PPARGC1B: variants seen among roughly 807,000 people sequenced by gnomAD.
The protein encoded by PPARGC1B is PPARG coactivator 1 beta, also known as peroxisome proliferator-activated receptor gamma coactivator 1-beta.
In PPARGC1B, 34 loss-of-function variants were observed where a neutral mutation model predicts 101.6. That is an observed-to-expected ratio of 0.33 (90% CI 0.25 to 0.45). The LOEUF is 0.45. Among genes scored for constraint, PPARGC1B ranks in the 20% least tolerant of loss-of-function variants. The pLI is 1.00. For synonymous variants in PPARGC1B, 548 were observed against 539.3 expected, an observed-to-expected ratio of 1.02 and a Z score of -0.22; for missense variants, 1,234 against 1,317.6, an observed-to-expected ratio of 0.94 and a Z score of 0.98.
intron 1 of PPARGC1B, among the ~76,000 whole-genome samples, chr5:149,743,446 T>C (rs1754981791): frequency 6.6e-6 from 1 of 152,150 alleles, no homozygotes; most frequent in South Asian, 2.1e-4. Context: ...TGAGCCACCG[T>C]GCCCGGCCCT....
rs116066299 is a variant in PPARGC1B at position 149,743,615 on chromosome 5, C to G, written c.78+13195C>G. Among the ~76,000 whole-genome samples the G allele has an allele frequency of 6.7e-3, 1,026 of 152,274 alleles. 10 individuals carry two copies. The highest frequency in any genetic ancestry group is 0.012 in the Non-Finnish European group (799 of 68,026). On this transcript the variant is annotated intron_variant, in intron 1 of 11. Coordinates refer to ENST00000309241, the MANE Select transcript of PPARGC1B (RefSeq NM_133263.4). ...GAATGATGAACAAATGCTGTTCGAT[C>G]TTTCACAACATTTGCCTGATGTTTG...
chr5:149,809,420 A>ATAGATAGG (rs1399430898), intron 1 of PPARGC1B, among the ~76,000 whole-genome samples: 2 of 147,324 alleles, frequency 1.4e-5, no homozygotes, highest in African/African-American at 5.0e-5. Context: ...AGATAGATAG[A>ATAGATAGG]TAGATAGATC....
At chr5:149,750,686 G>A (rs1755265476) in intron 1 of PPARGC1B, among the ~76,000 whole-genome samples, 1 of 152,132 alleles carries the variant, frequency 6.6e-6, no homozygotes, top group Non-Finnish European at 1.5e-5. Context: ...CTCACATCAA[G>A]TGGAAAAAGA....
intron 1 of PPARGC1B, among the ~76,000 whole-genome samples, chr5:149,768,122 T>C (rs1755986704): frequency 6.6e-6 from 1 of 152,014 alleles, no homozygotes; most frequent in East Asian, 1.9e-4. Flanking sequence ...TTCACAGGGA[T>C]AGGATGTTGG....
downstream of PPARGC1B, among the ~76,000 whole-genome samples, chr5:149,857,527 C>T (rs868529223): frequency 3.3e-5 from 5 of 152,234 alleles, no homozygotes; most frequent in South Asian, 6.2e-4. Context: ...TTAGGACAGG[C>T]CTCTGCTTAA....
chr5:149,739,605 G>A (rs1477795602), intron 1 of PPARGC1B, among the ~76,000 whole-genome samples: 1 of 152,178 alleles, frequency 6.6e-6, no homozygotes, highest in Non-Finnish European at 1.5e-5. Context: ...TCCAGTGTCA[G>A]GTCTTGCGAG....
At chr5:149,781,352 C>A (rs536952611) in intron 1 of PPARGC1B, among the ~76,000 whole-genome samples, 164 of 152,300 alleles carry the variant, frequency 1.1e-3, no homozygotes, top group Non-Finnish European at 2.0e-3. Flanking sequence ...TCCTGCCGTT[C>A]TGCATAGCTG....
At chr5:149,815,538 AATTT>A (rs77108852) in intron 1 of PPARGC1B, among the ~76,000 whole-genome samples, 6,321 of 152,024 alleles carry the variant, frequency 0.042, 184 homozygotes, top group East Asian at 0.16. Context: ...CTAGCAACCT[AATTT>A]ATTTATTTAT....
At position 149,820,444 on chromosome 5, in the gene PPARGC1B, C is replaced by T. The variant is rs368304290; in HGVS notation, c.90C>T (p.Ser30=). ...NYLADTQGGG[S]GEEQLYADFP... ...TCCTGTCTCCTCAGGGTGGAGGGTC[C>T]GGGGAGGAGCAACTCTATGCTGACT... The change falls in exon 2 of 12, where the codon TCC becomes TCT. Residue 30 remains serine, a synonymous_variant. Transcript: ENST00000309241. 1.7e-5 allele frequency: 28 copies of T among 1,613,690 alleles called. No homozygotes were observed. The highest frequency in any genetic ancestry group is 1.6e-4 in the Middle Eastern group (1 of 6,084).
At chr5:149,784,815 C>T (rs969462036) in intron 1 of PPARGC1B, among the ~76,000 whole-genome samples, 2 of 152,054 alleles carry the variant, frequency 1.3e-5, no homozygotes, top group African/African-American at 4.8e-5. Flanking sequence ...CATCCGCCTG[C>T]CTTGGCCTCC....
chr5:149,825,731 C>T (rs911365358), intron 2 of PPARGC1B, among the ~76,000 whole-genome samples: 3 of 152,186 alleles, frequency 2.0e-5, no homozygotes, highest in Admixed American at 6.5e-5. Context: ...TGCTGTTTAT[C>T]ACCAGCGTCC....
chr5:149,835,714 G>C (rs904575567), intron 7 of PPARGC1B, among the ~76,000 whole-genome samples: 1 of 152,212 alleles, frequency 6.6e-6, no homozygotes, highest in Non-Finnish European at 1.5e-5. Context: ...TGAACGATTG[G>C]ACGTAGATCA....
At chr5:149,756,584 C>T (rs1179221002) in intron 1 of PPARGC1B, among the ~76,000 whole-genome samples, 15 of 152,216 alleles carry the variant, frequency 9.9e-5, no homozygotes, top group Admixed American at 8.5e-4. Flanking sequence ...TCCCTGGCCT[C>T]GGGGACCAGC....
intron 1 of PPARGC1B, among the ~76,000 whole-genome samples, chr5:149,781,821 A>G (rs570133698): frequency 1.3e-5 from 2 of 152,296 alleles, no homozygotes; most frequent in Admixed American, 6.5e-5. Flanking sequence ...CTGATCTTGG[A>G]TATATGGTCT....
chr5:149,742,987 C>T (rs1754963260), intron 1 of PPARGC1B, among the ~76,000 whole-genome samples: 1 of 151,856 alleles, frequency 6.6e-6, no homozygotes, highest in South Asian at 2.1e-4. Flanking sequence ...CAGAGTGGTG[C>T]CCTCATAGCC....
chr5:149,744,392 C>T (rs938311653), intron 1 of PPARGC1B, among the ~76,000 whole-genome samples: 4 of 152,134 alleles, frequency 2.6e-5, no homozygotes, highest in Non-Finnish European at 5.9e-5. Flanking sequence ...ACTGCAGCAC[C>T]GAAGCCAGCT....
intron 1 of PPARGC1B, among the ~76,000 whole-genome samples, chr5:149,791,302 A>T (rs1223263990): frequency 6.6e-6 from 1 of 151,834 alleles, no homozygotes. Flanking sequence ...AAAAAAAAAA[A>T]AAAATTTCTA....
chr5:149,767,829 T>C (rs936454649), intron 1 of PPARGC1B, among the ~76,000 whole-genome samples: 2 of 151,720 alleles, frequency 1.3e-5, no homozygotes, highest in Non-Finnish European at 2.9e-5. Context: ...ACAGATGGGG[T>C]TGGGGGTGGG....
intron 1 of PPARGC1B, among the ~76,000 whole-genome samples, chr5:149,794,747 A>G (rs1267220360): frequency 6.6e-6 from 1 of 152,230 alleles, no homozygotes; most frequent in African/African-American, 2.4e-5. Flanking sequence ...CTAAAATGGT[A>G]ACAGGGAGTT....
Sources: gnomAD v4.1 joint callset for allele counts (sites outside exome capture counted in the v4.1 genomes callset) on GRCh38, gnomAD v4.1.1 for gene constraint, MANE v1.5 for transcripts, NCBI Gene and HGNC (gene_info 2026-07-23, HGNC 2026-07-21) for gene names.